The following PTPRZ1 variants were observed in gnomAD, a reference collection of about 807,000 sequenced individuals.
PTPRZ1 encodes receptor-type tyrosine-protein phosphatase zeta.
PTPRZ1 carries 82 observed loss-of-function variants against 214.1 expected under a neutral mutation model. The ratio of observed to expected loss-of-function variants is 0.38; its 90% CI spans 0.32 to 0.46. The LOEUF (loss-of-function observed/expected upper bound fraction) is 0.46, where lower values mean the gene tolerates loss of function less well. Ranked by LOEUF, PTPRZ1 falls within the 20% of genes least tolerant of loss-of-function variation. The probability of loss-of-function intolerance (pLI) is 1.00; values close to 1 mark genes in which losing one functional copy is unlikely to be tolerated. For synonymous variants in PTPRZ1, 945 were observed against 987.9 expected (o/e 0.96, Z 0.81); for missense variants, 2,603 against 2,748.7 (o/e 0.95, Z 1.19).
chr7:121,963,243 AAGTT>A (rs1485122069), intron 2 of PTPRZ1, among the ~76,000 whole-genome samples: 2 of 152,112 alleles, frequency 1.3e-5, no homozygotes, highest in African/African-American at 4.8e-5. Context: ...GATATTTTGA[AAGTT>A]AGGTGCAGAA....
rs1420628523 is a variant in PTPRZ1 at position 122,028,628 on chromosome 7, A to G, written c.5065A>G (p.Ile1689Val). 3.9e-6 allele frequency: 6 copies of G among 1,532,974 alleles called. No homozygotes were observed. Among genetic ancestry groups the G allele is most frequent in the African/African-American group, 1.4e-5 (1 of 72,898 alleles). The allele number at this position is 1,532,974 out of a possible 1,614,324, so 95.0% of individuals were successfully genotyped here. A position where few individuals can be genotyped will look rare whatever the true frequency, so the allele number is the denominator to read the frequency against. Residue 1689 changes from isoleucine (I) to valine (V), a missense_variant, in exon 14 of 30, where the codon ATC becomes GTC. Around this residue, in one of 6 missense-constraint regions of PTPRZ1, gnomAD observed 1,913 missense variants for 1,914.3 expected, o/e 1.00. Transcript: ENST00000393386. ...PRVISTPPTP[I>V]FPISDDVGAI... ...AGTTATATCCACACCTCCAACACCT[A>G]TCTTTCCAATTTCAGGTAATGGCTT...
At chr7:121,904,976 G>GT (rs540981429) in intron 1 of PTPRZ1, among the ~76,000 whole-genome samples, 250 of 152,226 alleles carry the variant, frequency 1.6e-3, no homozygotes, top group Middle Eastern at 3.4e-3. Context: ...AAGTAATTAC[G>GT]TTTTTGCTGT....
intron 2 of PTPRZ1, among the ~76,000 whole-genome samples, chr7:121,930,587 C>G (rs1002528186): frequency 6.6e-6 from 1 of 152,082 alleles, no homozygotes; most frequent in Non-Finnish European, 1.5e-5. Context: ...TTCACTAACA[C>G]TGACTCTAAA....
intron 2 of PTPRZ1, among the ~76,000 whole-genome samples, chr7:121,947,081 A>G (rs1020901499): frequency 4.9e-4 from 75 of 152,260 alleles, no homozygotes; most frequent in African/African-American, 1.7e-3. Context: ...AATGTTATCA[A>G]TGTTAATTTC....
chr7:121,906,484 T>C (rs1207288072), intron 1 of PTPRZ1, among the ~76,000 whole-genome samples: 1 of 152,210 alleles, frequency 6.6e-6, no homozygotes, highest in Non-Finnish European at 1.5e-5. Flanking sequence ...TTGTATCAAT[T>C]TGAGATACGG....
At chr7:122,041,386 A>G (rs796608067) in intron 21 of PTPRZ1, among the ~76,000 whole-genome samples, 1 of 148,434 alleles carries the variant, frequency 6.7e-6, no homozygotes, top group Non-Finnish European at 1.5e-5. Flanking sequence ...CCAGGCTTGT[A>G]TCACAGAAGC....
intron 4 of PTPRZ1, among the ~76,000 whole-genome samples, chr7:121,973,846 A>ATT (rs1259084600): frequency 5.3e-5 from 8 of 149,962 alleles, no homozygotes; most frequent in Admixed American, 6.7e-5. Context: ...AGGCATGGGA[A>ATT]TCACTTGAAC....
intron 9 of PTPRZ1, 76 bp downstream of exon 9, chr7:121,996,642 G>A: frequency 6.8e-6 from 8 of 1,171,732 alleles, no homozygotes; most frequent in Non-Finnish European, 9.2e-6. Context: ...ACAAATGGTT[G>A]TATATTATTT....
chr7:122,054,460 G>A (rs577983213), intron 26 of PTPRZ1, among the ~76,000 whole-genome samples: 1 of 152,158 alleles, frequency 6.6e-6, no homozygotes, highest in South Asian at 2.1e-4. Context: ...AGTATAGGAA[G>A]GACTTTTTTA....
rs1330250974 is a variant in PTPRZ1 at position 122,013,494 on chromosome 7, A to G, written c.4448A>G (p.Glu1483Gly). The part of the protein sequence containing the change: ...ISYSLSENSE[E>G]DNRVTSVSSD... ...TACTCACTATCTGAGAATTCTGAAG[A>G]AGATAATAGAGTCACAAGTGTATCC... Residue 1483 changes from glutamate (E) to glycine (G), a missense_variant, in exon 12 of 30, where the codon GAA becomes GGA. Around this residue, in one of 6 missense-constraint regions of PTPRZ1, gnomAD observed 1,913 missense variants for 1,914.3 expected, o/e 1.00. Transcript: ENST00000393386. 6.2e-7 allele frequency: 1 copy of G among 1,614,034 alleles called. No individual in the cohort carries two copies. Among genetic ancestry groups the G allele is most frequent in the African/African-American group, 1.3e-5 (1 of 74,946 alleles).
intron 12 of PTPRZ1, among the ~76,000 whole-genome samples, chr7:122,016,970 A>G (rs915733931): frequency 6.6e-6 from 1 of 152,122 alleles, no homozygotes; most frequent in Non-Finnish European, 1.5e-5. Flanking sequence ...AAGATTTTGT[A>G]TGGTTTGAGC....
intron 1 of PTPRZ1, among the ~76,000 whole-genome samples, chr7:121,909,523 A>G (rs557181900): frequency 1.1e-4 from 17 of 152,194 alleles, no homozygotes; most frequent in Non-Finnish European, 1.6e-4. Flanking sequence ...AAAATTAGCA[A>G]TTGGTCCTGA....
chr7:121,899,465 A>G (rs1233001816), intron 1 of PTPRZ1, among the ~76,000 whole-genome samples: 1 of 152,328 alleles, frequency 6.6e-6, no homozygotes, highest in Non-Finnish European at 1.5e-5. Context: ...TTAAGTTATC[A>G]GAAGTTTTGT....
At chr7:121,930,766 A>G (rs933584697) in intron 2 of PTPRZ1, among the ~76,000 whole-genome samples, 6 of 152,302 alleles carry the variant, frequency 3.9e-5, no homozygotes, top group African/African-American at 1.4e-4. Flanking sequence ...TATATACTTT[A>G]TAACTTTACA....
intron 2 of PTPRZ1, among the ~76,000 whole-genome samples, chr7:121,950,956 G>T (rs1796526563): frequency 6.6e-6 from 1 of 152,146 alleles, no homozygotes; most frequent in African/African-American, 2.4e-5. Flanking sequence ...AGATATGTAT[G>T]CTTTGAATAT....
chr7:121,946,368 A>C (rs899102494), intron 2 of PTPRZ1, among the ~76,000 whole-genome samples: 1 of 152,168 alleles, frequency 6.6e-6, no homozygotes, highest in African/African-American at 2.4e-5. Flanking sequence ...TATAAGTCAG[A>C]GAGGGAATTC....
chr7:121,950,287 G>A (rs117706598), intron 2 of PTPRZ1, among the ~76,000 whole-genome samples: 2 of 152,278 alleles, frequency 1.3e-5, no homozygotes, highest in East Asian at 3.9e-4. Flanking sequence ...CACAACACAT[G>A]GGAATTCAAG....
At position 121,873,413 on chromosome 7, in the gene PTPRZ1, C is replaced by CA. The variant is rs373553794; in HGVS notation, c.-79dup. ...ACACTGGAGGATTAAAACAAACAAA[C>CA]AAAAAAAACATTTCCTTCGCTCCCC... On this transcript the variant is annotated 5_prime_UTR_variant, in exon 1 of 30. Transcript: ENST00000393386. 584 of 1,382,956 alleles carry CA rather than the reference C, an allele frequency of 4.2e-4. No individual in the cohort carries two copies. The East Asian group carries it at 9.3e-3, about 22-fold the overall frequency. 85.7% of individuals were successfully genotyped at this position (1,382,956 alleles called of 1,614,324 possible). A position where few individuals can be genotyped will look rare whatever the true frequency, so the allele number is the denominator to read the frequency against.
chr7:121,919,054 A>G (rs1455227918), intron 1 of PTPRZ1, among the ~76,000 whole-genome samples: 2 of 152,046 alleles, frequency 1.3e-5, no homozygotes, highest in Non-Finnish European at 2.9e-5. Context: ...TCTTTGGAAT[A>G]GAATTATTGT....
Sources: allele counts gnomAD v4.1 joint callset (sites outside exome capture counted in the v4.1 genomes callset), GRCh38; gene constraint gnomAD v4.1.1; regional missense constraint gnomAD v4.1.1; transcripts MANE v1.5; gene names NCBI Gene and HGNC (gene_info 2026-07-23, HGNC 2026-07-21).